Variants in PCDHGA11 observed in about 807,000 individuals in gnomAD.
PCDHGA11 encodes protocadherin gamma subfamily A, 11.
A neutral mutation model predicts 60.4 loss-of-function variants in PCDHGA11; 39 were observed. The observed-to-expected ratio is 0.65, with a 90% CI of 0.50 to 0.84. The LOEUF (loss-of-function observed/expected upper bound fraction) is 0.84. Ranked by LOEUF, PCDHGA11 falls within the 40% of genes least tolerant of loss-of-function variation. The probability of loss-of-function intolerance (pLI) is 0.00; values close to 1 mark genes in which losing one functional copy is unlikely to be tolerated. For missense variants in PCDHGA11, 1,165 were observed against 1,197.7 expected (o/e 0.97, Z 0.40); for synonymous variants, 533 against 510.3 (o/e 1.04, Z -0.60).
At chr5:141,462,893 G>A (rs577241413) in intron 1 of PCDHGA11, among the ~76,000 whole-genome samples, 68 of 152,170 alleles carry the variant, frequency 4.5e-4, no homozygotes, top group African/African-American at 1.4e-3. Context: ...AGTTTGTTTT[G>A]GAAGGCTATT....
chr5:141,432,528 A>T lies in PCDHGA11; in HGVS notation c.2433+8868A>T. The T allele has an allele frequency of 1.2e-6, 2 of 1,613,804 alleles. No homozygotes were observed. The highest frequency in any genetic ancestry group is 1.7e-6 in the Non-Finnish European group (2 of 1,180,000). ...GCAGAGCCCGGCTACCTGGTGACCA[A>T]GGTGGTGGCGGTGGACAGAGACTCC... is the stretch of plus-strand genomic sequence containing the variant. On this transcript the variant is annotated intron_variant, in intron 1 of 3. Transcript: ENST00000398587. This position sits in a 1 kb window ranked among gnomAD's most constrained non-coding sequence, Gnocchi z 6.0.
At chr5:141,455,634 G>C (rs1429708887) in intron 1 of PCDHGA11, among the ~76,000 whole-genome samples, 1 of 152,110 alleles carries the variant, frequency 6.6e-6, no homozygotes. Context: ...GAGATATGTG[G>C]GGGGCAGCCA....
chr5:141,490,454 C>T lies in PCDHGA11; in HGVS notation c.2434-4353C>T. The T allele has an allele frequency of 3.1e-6, 5 of 1,614,176 alleles. No homozygotes were observed. The highest frequency in any genetic ancestry group is 4.2e-6 in the Non-Finnish European group (5 of 1,180,020). On this transcript the variant is annotated intron_variant, in intron 1 of 3. Transcript: ENST00000398587. The surrounding 1 kb of genome is among the most constrained non-coding windows in gnomAD (Gnocchi z 5.4). The stretch of plus-strand genomic sequence containing the variant: ...ATTAAGCCTTCTGAGAACCACTACT[C>T]GCTGCTAACCAGCCAGCCTTTGGAC...
At chr5:141,467,693 G>C (rs543886467) in intron 1 of PCDHGA11, among the ~76,000 whole-genome samples, 49 of 152,108 alleles carry the variant, frequency 3.2e-4, no homozygotes, top group African/African-American at 1.1e-3. Flanking sequence ...ACAGGGTCTG[G>C]CTCTGTTGCC....
chr5:141,431,506 G>T lies in PCDHGA11; in HGVS notation c.2433+7846G>T. 1.2e-6 allele frequency: 2 copies of T among 1,613,988 alleles called. No homozygotes were observed. Among genetic ancestry groups the T allele is most frequent in the South Asian group, 2.2e-5 (2 of 91,084 alleles). The stretch of plus-strand genomic sequence containing the variant: ...CGTTTGCTCAGCCCGAGTACCGCGC[G>T]AGCGTTCCGGAGAATCTGGCCTTGG... On this transcript the variant is annotated intron_variant, in intron 1 of 3. Coordinates refer to ENST00000398587, the MANE Select transcript of PCDHGA11 (RefSeq NM_018914.3). This position sits in a 1 kb window ranked among gnomAD's most constrained non-coding sequence, Gnocchi z 4.8.
At position 141,494,820 on chromosome 5, in the gene PCDHGA11, A is replaced by G; in HGVS notation, c.2447A>G (p.Asn816Ser). ...TTTTCTCCACAGCAAGCCCCGCCCA[A>G]CACGGACTGGCGTTTCTCTCAGGCC... ...DPTSNQQAPP[N>S]TDWRFSQAQR... Residue 816 changes from asparagine to serine, a missense_variant, in exon 2 of 4, where the codon AAC becomes AGC. By Grantham distance (46) the Asn-to-Ser change is conservative. Transcript: ENST00000398587. 1.2e-6 allele frequency: 2 copies of G among 1,613,988 alleles called. No individual in the cohort carries two copies. Among genetic ancestry groups the G allele is most frequent in the Middle Eastern group, 1.6e-4 (1 of 6,062 alleles).
chr5:141,473,479 G>GA (rs150184379), intron 1 of PCDHGA11, among the ~76,000 whole-genome samples: 6,877 of 152,218 alleles, frequency 0.045, 184 homozygotes, highest in Middle Eastern at 0.088. Flanking sequence ...AAGTTCAATG[G>GA]AAAAAATATA....
chr5:141,434,650 C>A (rs931043426), intron 1 of PCDHGA11, among the ~76,000 whole-genome samples: 6 of 152,092 alleles, frequency 3.9e-5, no homozygotes, highest in Non-Finnish European at 5.9e-5. Context: ...TTTAGTTAAT[C>A]TAATATCTAT....
chr5:141,473,894 T>C (rs1224416966), intron 1 of PCDHGA11, among the ~76,000 whole-genome samples: 1 of 152,134 alleles, frequency 6.6e-6, no homozygotes, highest in Non-Finnish European at 1.5e-5. Context: ...GTTCTGTTGG[T>C]TCATGAAGAG....
intron 1 of PCDHGA11, among the ~76,000 whole-genome samples, chr5:141,455,998 T>C (rs1301217416): frequency 2.6e-5 from 4 of 151,692 alleles, no homozygotes; most frequent in Non-Finnish European, 4.4e-5. Flanking sequence ...CTCGGGTTCA[T>C]GCCATTCTCC....
intron 1 of PCDHGA11, among the ~76,000 whole-genome samples, chr5:141,492,762 T>C (rs917580804): frequency 2.6e-5 from 4 of 152,206 alleles, no homozygotes; most frequent in African/African-American, 9.6e-5. Flanking sequence ...GGGCTCCGCG[T>C]TGGGCGAGTG....
chr5:141,458,551 T>A (rs1019302178), intron 1 of PCDHGA11, among the ~76,000 whole-genome samples: 1 of 148,194 alleles, frequency 6.7e-6, no homozygotes, highest in Non-Finnish European at 1.5e-5. Flanking sequence ...TTTGTTTGTT[T>A]GTTTTGGTTT....
At chr5:141,460,842 C>T (rs1339558359) in intron 1 of PCDHGA11, among the ~76,000 whole-genome samples, 2 of 150,412 alleles carry the variant, frequency 1.3e-5, no homozygotes, top group African/African-American at 2.4e-5. Flanking sequence ...GTAATGGCCT[C>T]CAGTTCGATC....
At position 141,486,927 on chromosome 5, in the gene PCDHGA11, G is replaced by T. The variant is rs2099637231; in HGVS notation, c.2434-7880G>T. On this transcript the variant is annotated intron_variant, in intron 1 of 3. Transcript: ENST00000398587. The surrounding 1 kb of genome is among the most constrained non-coding windows in gnomAD (Gnocchi z 5.0). ...CCCCAAGCACTGCCTCCATCAGTTG[G>T]TGCTGGCCACCTAATCACAAAGGTG... 1 of 1,614,108 alleles carries T rather than the reference G, an allele frequency of 6.2e-7. No homozygotes were observed. Among genetic ancestry groups the T allele is most frequent in the Non-Finnish European group, 8.5e-7 (1 of 1,180,054 alleles).
Position 141,490,942 on chromosome 5 carries a change from C to T in PCDHGA11, c.2434-3865C>T, listed in dbSNP as rs371286343. On this transcript the variant is annotated intron_variant, in intron 1 of 3. Coordinates refer to ENST00000398587, the MANE Select transcript of PCDHGA11 (RefSeq NM_018914.3). This position sits in a 1 kb window ranked among gnomAD's most constrained non-coding sequence, Gnocchi z 5.4. ...TAATGCCCCAGCTGTGCTGCACCCA[C>T]GGCCAGACTGGGAACACTCAGCCCC... 8.7e-5 allele frequency: 141 copies of T among 1,613,526 alleles called. No individual in the cohort carries two copies. Among genetic ancestry groups the T allele is most frequent in the Non-Finnish European group, 1.1e-4 (126 of 1,179,768 alleles).
rs747077639 is a variant in PCDHGA11, at chr5:141,432,371, G to C, written c.2433+8711G>C. 2 of 1,614,234 alleles carry C rather than the reference G, an allele frequency of 1.2e-6. No individual in the cohort carries two copies. The highest frequency in any genetic ancestry group is 1.6e-4 in the Middle Eastern group (1 of 6,062). ...AGTGAAAGTGATGGCGCGGGACAAC[G>C]GGCACCCGCCCCTCAGCAGCAACGT... On this transcript the variant is annotated intron_variant, in intron 1 of 3. Transcript: ENST00000398587. The surrounding 1 kb of genome is among the most constrained non-coding windows in gnomAD (Gnocchi z 6.0).
intron 1 of PCDHGA11, among the ~76,000 whole-genome samples, chr5:141,466,008 G>C (rs1298363274): frequency 6.6e-6 from 1 of 151,970 alleles, no homozygotes; most frequent in Non-Finnish European, 1.5e-5. Flanking sequence ...TGTAGTCCCA[G>C]CTACTCGGGA....
rs1561857042 is a variant in PCDHGA11, at chr5:141,432,038, C to CG, written c.2433+8382dup. 3 of 1,614,190 alleles carry CG rather than the reference C, an allele frequency of 1.9e-6. No individual in the cohort carries two copies. The highest frequency in any genetic ancestry group is 2.5e-6 in the Non-Finnish European group (3 of 1,180,032). Reference sequence around the variant, plus strand: ...CAACATCACAGTGACCGCCACTGACCGGGGAACCCCGCCCCTATCCACGGA... The same window carrying CG: ...CAACATCACAGTGACCGCCACTGACCGGGGGAACCCCGCCCCTATCCACGGA... On this transcript the variant is annotated intron_variant, in intron 1 of 3. Transcript: ENST00000398587. The surrounding 1 kb of genome is among the most constrained non-coding windows in gnomAD (Gnocchi z 6.0).
rs1185412610 is a variant in PCDHGA11, at chr5:141,423,599, C to T, written c.2372C>T (p.Pro791Leu). 1 of 1,612,844 alleles carries T rather than the reference C, an allele frequency of 6.2e-7. No individual in the cohort carries two copies. Among genetic ancestry groups the T allele is most frequent in the Non-Finnish European group, 8.5e-7 (1 of 1,179,346 alleles). Residue 791 changes from proline to leucine, a missense_variant, in exon 1 of 4, where the codon CCA becomes CTA. Transcript: ENST00000398587. ...CAGGAGAGCTGTGAGAAAAGCGAGC[C>T]ACTCTTGATAGCTGAAGACTCAGCT... ...ISQESCEKSE[P>L]LLIAEDSAII...
Sources: gnomAD v4.1 joint callset for allele counts (sites outside exome capture counted in the v4.1 genomes callset) on GRCh38, gnomAD v4.1.1 for gene constraint, Gnocchi (gnomAD v3.1) non-coding constraint, MANE v1.5 for transcripts, NCBI Gene and HGNC (gene_info 2026-07-23, HGNC 2026-07-21) for gene names.